DOCK2: variants seen among roughly 807,000 people sequenced by gnomAD.
DOCK2 encodes dedicator of cytokinesis 2.
In DOCK2, 87 loss-of-function variants were observed where a neutral mutation model predicts 248.9. The observed-to-expected ratio is 0.35, with a 90% CI of 0.29 to 0.42. The LOEUF (loss-of-function observed/expected upper bound fraction) is 0.42, where lower values mean the gene tolerates loss of function less well. Among genes scored for constraint, DOCK2 ranks in the 10% least tolerant of loss-of-function variants. The pLI is 1.00. For synonymous variants in DOCK2, 805 were observed against 821.6 expected, an observed-to-expected ratio of 0.98 and a Z score of 0.35; for missense variants, 1,747 against 2,300.2, an observed-to-expected ratio of 0.76 and a Z score of 4.92.
At chr5:169,782,392 G>T (rs1765756378) in intron 25 of DOCK2, among the ~76,000 whole-genome samples, 1 of 152,002 alleles carries the variant, frequency 6.6e-6, no homozygotes, top group South Asian at 2.1e-4. Flanking sequence ...CCTTATTCGT[G>T]ATCAGGTTCC....
chr5:169,713,517 G>C (rs976250666), intron 17 of DOCK2, among the ~76,000 whole-genome samples: 1 of 152,014 alleles, frequency 6.6e-6, no homozygotes, highest in Non-Finnish European at 1.5e-5. Flanking sequence ...ATTCTAGGAA[G>C]TAGGGATGAT....
intron 1 of DOCK2, among the ~76,000 whole-genome samples, chr5:169,641,029 C>A (rs1757116247): frequency 6.6e-6 from 1 of 152,186 alleles, no homozygotes; most frequent in Non-Finnish European, 1.5e-5. Context: ...TGCTGGCAAT[C>A]CTCGGCATTC....
At chr5:170,031,309 C>T (rs1249280056) in intron 34 of DOCK2, among the ~76,000 whole-genome samples, 2 of 152,178 alleles carry the variant, frequency 1.3e-5, no homozygotes, top group African/African-American at 4.8e-5. Context: ...GAAAGAAAGT[C>T]CAGTTTCATT....
At chr5:170,018,163 A>C (rs1226663743) in intron 32 of DOCK2, among the ~76,000 whole-genome samples, 2 of 152,226 alleles carry the variant, frequency 1.3e-5, no homozygotes, top group Non-Finnish European at 2.9e-5. Context: ...TTTCTAGCTA[A>C]GGGTGGGAGG....
intron 26 of DOCK2, among the ~76,000 whole-genome samples, chr5:169,805,669 A>C (rs1039448817): frequency 2.0e-5 from 3 of 152,190 alleles, no homozygotes; most frequent in Admixed American, 6.5e-5. Flanking sequence ...CTAGAGCTCT[A>C]CCCTGACAGG....
chr5:169,943,042 G>A (rs914984174), intron 27 of DOCK2, among the ~76,000 whole-genome samples: 6 of 152,210 alleles, frequency 3.9e-5, no homozygotes, highest in Non-Finnish European at 1.5e-5. Flanking sequence ...ATAGGAATGT[G>A]TTGGGCTGGG....
At chr5:169,698,059 A>C (rs72841143) in intron 10 of DOCK2, among the ~76,000 whole-genome samples, 5 of 152,068 alleles carry the variant, frequency 3.3e-5, no homozygotes, top group African/African-American at 1.2e-4. Flanking sequence ...GTCAAATCCA[A>C]ACCTAATTGC....
chr5:169,650,283 C>T (rs1392138908), intron 1 of DOCK2, among the ~76,000 whole-genome samples: 3 of 152,078 alleles, frequency 2.0e-5, no homozygotes, highest in African/African-American at 4.8e-5. Flanking sequence ...AAAATGTGCT[C>T]TAAATATTTA....
chr5:169,679,421 T>C (rs560956114), intron 6 of DOCK2, among the ~76,000 whole-genome samples: 1 of 152,304 alleles, frequency 6.6e-6, no homozygotes, highest in African/African-American at 2.4e-5. Flanking sequence ...CCCTGGGCCA[T>C]GAGAGTCCTG....
chr5:169,772,902 A>T (rs1004747543), intron 25 of DOCK2: 2 of 152,216 alleles, frequency 1.3e-5, no homozygotes, highest in Non-Finnish European at 2.9e-5. Context: ...GAGGTTACAC[A>T]GCTGGTCATT....
chr5:170,079,151 G>A lies in DOCK2; in HGVS notation c.5166+5G>A. ...GCAGAGTCGGACCTGAAGCGGGTGA[G>A]TGGCTGAGGCAGATTGCCTCTCCAG... On this transcript the variant is annotated splice_donor_5th_base_variant and intron_variant, in intron 49 of 51. Transcript: ENST00000520908. The A allele has an allele frequency of 6.2e-7, 1 of 1,612,754 alleles. No individual in the cohort carries two copies. Among genetic ancestry groups the A allele is most frequent in the Non-Finnish European group, 8.5e-7 (1 of 1,179,774 alleles).
intron 33 of DOCK2, among the ~76,000 whole-genome samples, chr5:170,023,992 G>A (rs1233626479): frequency 2.0e-5 from 3 of 152,210 alleles, no homozygotes; most frequent in Non-Finnish European, 4.4e-5. Flanking sequence ...GCAATGCAGG[G>A]AAGGCATGAA....
intron 27 of DOCK2, chr5:169,875,368 C>T (rs771232469): frequency 1.1e-5 from 5 of 454,108 alleles, no homozygotes; most frequent in African/African-American, 4.0e-5. Flanking sequence ...TTTGGGAGCA[C>T]TGTCTAGGGC....
At chr5:169,712,770 A>T (rs1224789181) in intron 17 of DOCK2, among the ~76,000 whole-genome samples, 2 of 152,220 alleles carry the variant, frequency 1.3e-5, no homozygotes, top group Non-Finnish European at 2.9e-5. Context: ...GGCCATCTAA[A>T]CTATAAAGGG....
intron 22 of DOCK2, among the ~76,000 whole-genome samples, chr5:169,729,913 C>T (rs1367693797): frequency 1.3e-5 from 2 of 152,040 alleles, no homozygotes; most frequent in African/African-American, 4.8e-5. Flanking sequence ...TGGGGATTAC[C>T]TCAGAATGTT....
Position 170,076,103 on chromosome 5 carries a change from G to T in DOCK2, c.4866+19G>T. The stretch of plus-strand genomic sequence containing the variant: ...AGAGATGGTATGGGTGGTTCCTATG[G>T]CTTGGAGGGGTGGGATTGTGCAGGG... On this transcript the variant is annotated intron_variant, in intron 47 of 51. Transcript: ENST00000520908. 3 of 1,612,810 alleles carry T rather than the reference G, an allele frequency of 1.9e-6. No individual in the cohort carries two copies. Among genetic ancestry groups the T allele is most frequent in the Non-Finnish European group, 1.7e-6 (2 of 1,179,212 alleles).
intron 30 of DOCK2, among the ~76,000 whole-genome samples, chr5:170,004,872 T>C (rs1490333626): frequency 7.0e-6 from 1 of 142,642 alleles, no homozygotes; most frequent in Non-Finnish European, 1.5e-5. Flanking sequence ...AAAAATGAGA[T>C]CACATGGACA....
intron 26 of DOCK2, among the ~76,000 whole-genome samples, chr5:169,835,018 T>C (rs1393565046): frequency 6.6e-6 from 1 of 152,044 alleles, no homozygotes; most frequent in Non-Finnish European, 1.5e-5. Context: ...TGAAAAGGAA[T>C]CTTGGATTTT....
Position 169,699,379 on chromosome 5 carries a change from C to T in DOCK2, c.1056-3C>T. 6.2e-7 allele frequency: 1 copy of T among 1,612,412 alleles called. No individual in the cohort carries two copies. The highest frequency in any genetic ancestry group is 8.5e-7 in the Non-Finnish European group (1 of 1,179,068). On this transcript the variant is annotated splice_polypyrimidine_tract_variant and splice_region_variant and intron_variant, in intron 11 of 51. Transcript: ENST00000520908. ...ACATTTCATGCTCTCTTTTCCTTTC[C>T]AGGGTTACAGCTGAGAATGACTTCC...
Sources: allele counts gnomAD v4.1 joint callset (sites outside exome capture counted in the v4.1 genomes callset), GRCh38; gene constraint gnomAD v4.1.1; transcripts MANE v1.5; gene names NCBI Gene and HGNC (gene_info 2026-07-23, HGNC 2026-07-21).